The following PACRG variants were observed in gnomAD, a reference collection of about 807,000 sequenced individuals.
The protein encoded by PACRG is parkin coregulated gene protein.
In PACRG, 29 loss-of-function variants were observed where a neutral mutation model predicts 29.7. That is an observed-to-expected ratio of 0.98 (90% CI 0.73 to 1.33). PACRG has a LOEUF of 1.33. Ranked by LOEUF, PACRG falls within the 40% of genes most tolerant of loss-of-function variation. PACRG has a pLI of 0.00. For missense variants in PACRG, 279 were observed against 316.2 expected, an observed-to-expected ratio of 0.88 and a Z score of 0.89; for synonymous variants, 116 against 118.7, an observed-to-expected ratio of 0.98 and a Z score of 0.15.
intron 4 of PACRG, among the ~76,000 whole-genome samples, chr6:163,176,540 AAAAG>A (rs1410236046): frequency 6.6e-6 from 1 of 152,150 alleles, no homozygotes; most frequent in African/African-American, 2.4e-5. Context: ...TAAAAGCTGG[AAAAG>A]AAAGAAAGGG....
chr6:162,892,890 C>T (rs1488003152), intron 2 of PACRG, among the ~76,000 whole-genome samples: 1 of 145,988 alleles, frequency 6.8e-6, no homozygotes, highest in Non-Finnish European at 1.5e-5. Flanking sequence ...TCAGGAGCCT[C>T]GGCCCACACC....
intron 4 of PACRG, among the ~76,000 whole-genome samples, chr6:163,143,182 CT>C (rs1777624041): frequency 6.6e-6 from 1 of 152,072 alleles, no homozygotes; most frequent in Non-Finnish European, 1.5e-5. Context: ...CTTTGCAACT[CT>C]TAGTGTTAGT....
At chr6:162,938,775 T>A (rs1798412727) in intron 2 of PACRG, among the ~76,000 whole-genome samples, 1 of 152,246 alleles carries the variant, frequency 6.6e-6, no homozygotes, top group Non-Finnish European at 1.5e-5. Flanking sequence ...TTTTTTCATA[T>A]GTTTGTTTGC....
intron 4 of PACRG, among the ~76,000 whole-genome samples, chr6:163,128,644 T>C (rs1223374921): frequency 6.6e-6 from 1 of 152,216 alleles, no homozygotes. Context: ...CACACAGAAT[T>C]GTGCCTGATT....
intron 2 of PACRG, among the ~76,000 whole-genome samples, chr6:162,818,538 C>T (rs6911204): frequency 0.22 from 33,915 of 152,064 alleles, 5,025 homozygotes; most frequent in African/African-American, 0.39. Flanking sequence ...GGTTTTGAAA[C>T]GGTCTCTTCA....
At chr6:163,250,958 C>T (rs547594264) in intron 4 of PACRG, among the ~76,000 whole-genome samples, 1 of 150,638 alleles carries the variant, frequency 6.6e-6, no homozygotes, top group African/African-American at 2.4e-5. Flanking sequence ...ACACCATTTG[C>T]AGTGACCTGG....
chr6:162,761,324 GCT>G (rs1404534193), intron 1 of PACRG, among the ~76,000 whole-genome samples: 1 of 152,162 alleles, frequency 6.6e-6, no homozygotes, highest in East Asian at 1.9e-4. Flanking sequence ...ATATAGATGA[GCT>G]GAGCTGGTAG....
intron 1 of PACRG, among the ~76,000 whole-genome samples, chr6:162,744,249 A>T (rs1359750858): frequency 1.3e-5 from 2 of 152,202 alleles, no homozygotes; most frequent in Non-Finnish European, 2.9e-5. Context: ...ATTCTGGATC[A>T]TTAAATGCAG....
chr6:163,117,751 C>CAA (rs35801516), intron 4 of PACRG, among the ~76,000 whole-genome samples: 1,115 of 108,368 alleles, frequency 0.01, 17 homozygotes, highest in African/African-American at 0.035. Flanking sequence ...GACTCTGTCT[C>CAA]AAAAAAAAAA....
intron 4 of PACRG, among the ~76,000 whole-genome samples, chr6:163,188,115 G>A (rs913996241): frequency 6.6e-6 from 1 of 152,106 alleles, no homozygotes; most frequent in East Asian, 1.9e-4. Context: ...TTTCCTACAG[G>A]GAACTATGTG....
At chr6:162,962,310 A>G (rs980379519) in intron 2 of PACRG, among the ~76,000 whole-genome samples, 1 of 152,144 alleles carries the variant, frequency 6.6e-6, no homozygotes, top group African/African-American at 2.4e-5. Context: ...ACTAACAGTT[A>G]TTAGCATGTA....
chr6:162,919,167 A>C (rs1796894558), intron 2 of PACRG, among the ~76,000 whole-genome samples: 1 of 152,256 alleles, frequency 6.6e-6, no homozygotes, highest in Admixed American at 6.5e-5. Context: ...GGCATATTTT[A>C]GACGAAGAAC....
At chr6:162,763,493 A>G (rs989418367) in intron 1 of PACRG, among the ~76,000 whole-genome samples, 2 of 152,220 alleles carry the variant, frequency 1.3e-5, no homozygotes, top group African/African-American at 4.8e-5. Flanking sequence ...AATGTCAAGG[A>G]CTATTTCCTA....
At chr6:163,138,122 T>A (rs7740935) in intron 4 of PACRG, among the ~76,000 whole-genome samples, 36,145 of 152,176 alleles carry the variant, frequency 0.24, 6,547 homozygotes, top group African/African-American at 0.51. Flanking sequence ...AAAACTTAAA[T>A]CGAGTTACAA....
intron 2 of PACRG, chr6:162,892,069 C>T (rs1794806265): frequency 6.6e-6 from 1 of 152,308 alleles, no homozygotes; most frequent in South Asian, 2.1e-4. Flanking sequence ...TACGTTGGAC[C>T]CCTGACCTCC....
In PACRG at chr6:163,287,822, G is replaced by A. The variant is rs949692826; in HGVS notation, c.614-27005G>A. Among the ~76,000 whole-genome samples, 17 of 152,166 alleles carry A rather than the reference G, an allele frequency of 1.1e-4. 1 individual carries two copies. Among genetic ancestry groups the A allele is most frequent in the African/African-American group, 3.9e-4 (16 of 41,444 alleles). ...GTGCGCAGTTGGGAAACCTCAGAAC[G>A]GTGTGGCCCGACCGTGGCCATGCTG... On this transcript the variant is annotated intron_variant, in intron 4 of 4. Coordinates refer to ENST00000366888, the MANE Select transcript of PACRG (RefSeq NM_001080379.2).
At chr6:163,157,592 G>A (rs1325934490) in intron 4 of PACRG, among the ~76,000 whole-genome samples, 5 of 152,186 alleles carry the variant, frequency 3.3e-5, no homozygotes, top group East Asian at 3.9e-4. Context: ...TGCAGAGCTC[G>A]TGGGCTGCTC....
At chr6:163,179,724 AAT>A (rs531864085) in intron 4 of PACRG, among the ~76,000 whole-genome samples, 51,016 of 147,664 alleles carry the variant, frequency 0.35, 9,820 homozygotes, top group Middle Eastern at 0.47. Context: ...AAAAAAAAAA[AAT>A]TTTCTTACAT....
At chr6:163,312,371 C>A (rs1417913323) in intron 4 of PACRG, among the ~76,000 whole-genome samples, 1 of 152,126 alleles carries the variant, frequency 6.6e-6, no homozygotes, top group Non-Finnish European at 1.5e-5. Context: ...CTGTTCAAAT[C>A]CCCTGTTGCT....
Sources: gnomAD v4.1 joint callset for allele counts (sites outside exome capture counted in the v4.1 genomes callset) on GRCh38, gnomAD v4.1.1 for gene constraint, MANE v1.5 for transcripts, NCBI Gene and HGNC (gene_info 2026-07-23, HGNC 2026-07-21) for gene names.